The following KIF4A variants were observed in gnomAD, a reference collection of about 807,000 sequenced individuals.
KIF4A encodes kinesin family member 4A.
KIF4A carries 7 observed loss-of-function variants against 105.9 expected under a neutral mutation model. That is an observed-to-expected ratio of 0.07 (90% CI 0.04 to 0.12). KIF4A has a LOEUF of 0.12. KIF4A is among the 10% of genes least tolerant of loss of function. The pLI, the probability that KIF4A is intolerant of heterozygous loss-of-function variation, is 1.00. For synonymous variants in KIF4A, 281 were observed against 331.3 expected (o/e 0.85, Z 1.65); for missense variants, 558 against 929.2 (o/e 0.60, Z 5.19).
intron 28 of KIF4A, among the ~76,000 whole-genome samples, chrX:70,415,876 T>G (rs1338552303): frequency 1.0e-5 from 1 of 97,197 alleles, no homozygotes; most frequent in African/African-American, 3.7e-5. Context: ...TTTTTTTTTT[T>G]TTTTTTTTGA....
intron 13 of KIF4A, 36 bp from the exon 14 acceptor site, chrX:70,352,562 CAG>C (rs1438901489): frequency 1.8e-6 from 2 of 1,099,673 alleles, no homozygotes; most frequent in Admixed American, 4.4e-5. Flanking sequence ...AGCTTTACTT[CAG>C]ACTCTTTCCC....
intron 7 of KIF4A, among the ~76,000 whole-genome samples, chrX:70,310,739 T>C (rs1457716762): frequency 1.8e-5 from 2 of 111,526 alleles, no homozygotes; most frequent in Non-Finnish European, 3.8e-5. Context: ...TCTGGTACAG[T>C]TGATATAACA....
chrX:70,340,544 A>C (rs2085968557), intron 10 of KIF4A, among the ~76,000 whole-genome samples: 1 of 109,178 alleles, frequency 9.2e-6, no homozygotes. Context: ...TTTAATAAAG[A>C]AATAACGAAA....
chrX:70,301,104 G>A (rs1470341150), intron 5 of KIF4A, among the ~76,000 whole-genome samples: 2 of 111,679 alleles, frequency 1.8e-5, no homozygotes, highest in Non-Finnish European at 3.8e-5. Context: ...TGAAGGTGAT[G>A]TGAGTTTTTG....
At chrX:70,323,179 C>T (rs1055028155) in intron 7 of KIF4A, among the ~76,000 whole-genome samples, 4 of 111,052 alleles carry the variant, frequency 3.6e-5, no homozygotes, top group African/African-American at 9.8e-5. Context: ...TTCAAATTTG[C>T]GCTCAGTCCC....
At chrX:70,397,067 C>T (rs1253842255) in intron 22 of KIF4A, among the ~76,000 whole-genome samples, 2 of 102,284 alleles carry the variant, frequency 2.0e-5, no homozygotes, top group Admixed American at 1.1e-4. Context: ...AGCAAGACTC[C>T]ATCTCAAAAA....
intron 27 of KIF4A, 106 bp from the exon 28 acceptor site, chrX:70,406,787 C>T (rs1334267102): frequency 9.3e-6 from 8 of 856,773 alleles, no homozygotes; most frequent in African/African-American, 2.0e-5. Context: ...AGTCTGAAAT[C>T]TTTGCTCTGA....
chrX:70,322,007 C>T (rs755837847), intron 7 of KIF4A, among the ~76,000 whole-genome samples: 1 of 110,441 alleles, frequency 9.1e-6, no homozygotes, highest in African/African-American at 3.3e-5. Flanking sequence ...CCACTCACCC[C>T]TATCTGAAAC....
intron 28 of KIF4A, among the ~76,000 whole-genome samples, chrX:70,416,314 C>G (rs2086344080): frequency 9.4e-6 from 1 of 106,386 alleles, no homozygotes; most frequent in African/African-American, 3.4e-5. Context: ...CTTGCTTACA[C>G]CTCAAATCCC....
rs149287828 is a variant in KIF4A, at chrX:70,291,267, T to C, written c.235+462T>C. ...TTTTTAAATTTTTTGTACCTATCTT[T>C]TAGAAGAAAAATTTTTCAAGTTAAA... On this transcript the variant is annotated intron_variant, in intron 3 of 30. Coordinates refer to ENST00000374403, the MANE Select transcript of KIF4A (RefSeq NM_012310.5). 8.6e-3 allele frequency among the ~76,000 whole-genome samples: 965 copies of C among 111,907 alleles called. 2 individuals are homozygous for C. The highest frequency in any genetic ancestry group is 0.014 in the Non-Finnish European group (742 of 53,152).
intron 10 of KIF4A, among the ~76,000 whole-genome samples, chrX:70,337,178 T>C (rs1426189522): frequency 1.8e-5 from 2 of 111,850 alleles, no homozygotes; most frequent in African/African-American, 6.5e-5. Context: ...CTATTGTGAA[T>C]GATGCTGCTA....
At chrX:70,387,380 T>C in intron 20 of KIF4A, 83 bp downstream of exon 20, 1 of 714,448 alleles carries the variant, frequency 1.4e-6, no homozygotes, top group Non-Finnish European at 2.1e-6. Flanking sequence ...TTTTCCTTTT[T>C]TTAGAAGTAA....
chrX:70,332,485 G>A (rs755676235), intron 9 of KIF4A, among the ~76,000 whole-genome samples: 2 of 111,619 alleles, frequency 1.8e-5, no homozygotes, highest in East Asian at 5.6e-4. Context: ...ATTGGAGTAA[G>A]TTGAGGAGCA....
intron 26 of KIF4A, 30 bp downstream of exon 26, chrX:70,405,935 C>T: frequency 9.1e-7 from 1 of 1,104,757 alleles, no homozygotes. Flanking sequence ...ACTTGATAAG[C>T]CCTAAGAGAC....
In KIF4A at chrX:70,310,348, T is replaced by TGTGTGTGTGC. The variant is rs56051172; in HGVS notation, c.778+7951_778+7952insTGTGTGTGCG. Among the ~76,000 whole-genome samples the TGTGTGTGTGC allele has an allele frequency of 9.1e-3, 976 of 107,544 alleles. 9 individuals carry two copies. Among genetic ancestry groups the TGTGTGTGTGC allele is most frequent in the Non-Finnish European group, 0.012 (645 of 52,241 alleles). The allele number at this position is 107,544 out of a possible 115,157, so 93.4% of individuals were successfully genotyped here. Reference sequence around the variant, plus strand: ...GTGTGTGTGTGTGTGTGTGTGTGTGTGCCTGGATTCTTTTGCTCAACATAG... The same window carrying TGTGTGTGTGC: ...GTGTGTGTGTGTGTGTGTGTGTGTGTGTGTGTGTGCGCCTGGATTCTTTTGCTCAACATAG... On this transcript the variant is annotated intron_variant, in intron 7 of 30. Coordinates refer to ENST00000374403, the MANE Select transcript of KIF4A (RefSeq NM_012310.5).
At position 70,290,757 on chromosome X, in the gene KIF4A, G is replaced by A; in HGVS notation, c.187G>A (p.Glu63Lys). 8.3e-7 allele frequency: 1 copy of A among 1,209,208 alleles called. No homozygotes were observed. Residue 63 changes from glutamate (E) to lysine (K), a missense_variant, in exon 3 of 31, where the codon GAA (glutamate) becomes AAA (lysine). Coordinates refer to ENST00000374403, the MANE Select transcript of KIF4A (RefSeq NM_012310.5). ...ATTTGATCCCTCTACTGAACAGGAA[G>A]AAGTCTTCAATACAGCAGTAGCGCC... ...FVFDPSTEQE[E>K]VFNTAVAPLI...
At chrX:70,297,316 C>G in intron 4 of KIF4A, 128 bp downstream of exon 4, 1 of 583,031 alleles carries the variant, frequency 1.7e-6, no homozygotes, top group South Asian at 3.2e-5. Context: ...ATAGAGAAAA[C>G]TTACTGACTC....
At chrX:70,307,548 A>T (rs1320084558) in intron 7 of KIF4A, among the ~76,000 whole-genome samples, 1 of 111,970 alleles carries the variant, frequency 8.9e-6, no homozygotes, top group Non-Finnish European at 1.9e-5. Context: ...TTAAGGGAAA[A>T]GCATTCAGTC....
chrX:70,405,805 A>G (rs1602810859), intron 25 of KIF4A, 23 bp from the exon 26 acceptor site: 1 of 1,153,887 alleles, frequency 8.7e-7, no homozygotes, highest in Non-Finnish European at 1.2e-6. Context: ...AACCCCATAT[A>G]TCACTGCACT....
Sources: gnomAD v4.1 joint callset for allele counts (sites outside exome capture counted in the v4.1 genomes callset) on GRCh38, gnomAD v4.1.1 for gene constraint, MANE v1.5 for transcripts, NCBI Gene and HGNC (gene_info 2026-07-23, HGNC 2026-07-21) for gene names.